ATP10D: variants seen among roughly 807,000 people sequenced by gnomAD.
The protein encoded by ATP10D is phospholipid-transporting ATPase VD.
ATP10D carries 89 observed loss-of-function variants against 144.8 expected under a neutral mutation model. That is an observed-to-expected ratio of 0.61 (90% CI 0.52 to 0.73). The LOEUF (loss-of-function observed/expected upper bound fraction) is 0.73. Among genes scored for constraint, ATP10D ranks in the 30% least tolerant of loss-of-function variants. ATP10D has a pLI of 0.00. For missense variants in ATP10D, 1,603 were observed against 1,714.8 expected, an observed-to-expected ratio of 0.93 and a Z score of 1.15; for synonymous variants, 571 against 615.1, an observed-to-expected ratio of 0.93 and a Z score of 1.06.
intron 16 of ATP10D, among the ~76,000 whole-genome samples, chr4:47,569,432 A>C (rs1330429400): frequency 6.6e-6 from 1 of 152,186 alleles, no homozygotes; most frequent in Non-Finnish European, 1.5e-5. Flanking sequence ...TCAAGTAATA[A>C]ACTGAATCAC....
chr4:47,517,097 T>A (rs1167254789), intron 3 of ATP10D, among the ~76,000 whole-genome samples: 1 of 152,174 alleles, frequency 6.6e-6, no homozygotes, highest in Non-Finnish European at 1.5e-5. Flanking sequence ...TTATATATAT[T>A]TTTGAATACA....
intron 9 of ATP10D, among the ~76,000 whole-genome samples, chr4:47,539,783 CTTTA>C (rs1470047530): frequency 6.6e-6 from 1 of 152,174 alleles, no homozygotes; most frequent in Non-Finnish European, 1.5e-5. Flanking sequence ...AGAAGCACTG[CTTTA>C]TTTTTTTGTA....
intron 9 of ATP10D, among the ~76,000 whole-genome samples, chr4:47,544,611 C>G (rs938956869): frequency 6.6e-6 from 1 of 152,136 alleles, no homozygotes; most frequent in Non-Finnish European, 1.5e-5. Flanking sequence ...ATGTTTCATT[C>G]TGAAAACAAA....
intron 1 of ATP10D, chr4:47,491,093 A>G (rs1187579008): frequency 1.1e-5 from 8 of 730,616 alleles, no homozygotes; most frequent in Non-Finnish European, 1.8e-5. Context: ...AGTTGAACCC[A>G]GGTACTTTTC....
At chr4:47,506,470 G>A (rs1716024685) in intron 1 of ATP10D, among the ~76,000 whole-genome samples, 1 of 152,098 alleles carries the variant, frequency 6.6e-6, no homozygotes, top group South Asian at 2.1e-4. Flanking sequence ...TTTAATTACA[G>A]GTTTTATAAT....
chr4:47,525,306 T>C lies in ATP10D; in HGVS notation c.691-251T>C, dbSNP rs1307931733. ...ATAAGCTCTCTTCTGGGGAGTCCTG[T>C]GTGGATTTCGGTAAATGACTCAGTC... On this transcript the variant is annotated intron_variant, in intron 4 of 22. Coordinates refer to ENST00000273859, the MANE Select transcript of ATP10D (RefSeq NM_020453.4). Among the ~76,000 whole-genome samples the C allele has an allele frequency of 2.6e-5, 4 of 152,296 alleles. No individual in the cohort carries two copies. The East Asian group carries it at 7.7e-4, about 29-fold the overall frequency.
intron 1 of ATP10D, among the ~76,000 whole-genome samples, chr4:47,495,553 T>G (rs1445034481): frequency 6.6e-6 from 1 of 152,198 alleles, no homozygotes; most frequent in Non-Finnish European, 1.5e-5. Flanking sequence ...AAATCTGCTA[T>G]TAATAGACTA....
intron 19 of ATP10D, chr4:47,578,252 G>A (rs1448161812): frequency 6.6e-6 from 1 of 152,108 alleles, no homozygotes; most frequent in Non-Finnish European, 1.5e-5. Context: ...TATGTTTTAT[G>A]CTTGGGTCGT....
At position 47,569,273 on chromosome 4, in the gene ATP10D, A is replaced by G. The variant is rs534133134; in HGVS notation, c.3163+127A>G. 4.7e-6 allele frequency: 5 copies of G among 1,064,672 alleles called. No individual in the cohort carries two copies. The African/African-American group carries it at 6.4e-5, about 14-fold the overall frequency. 66.0% of individuals were successfully genotyped at this position (1,064,672 alleles called of 1,614,324 possible). ...TCCTCCCTTTTTCTCTACCACATTCATGCCTTCCCATCACCTATTTGAGCA... is the reference window on the plus strand; with the variant it reads ...TCCTCCCTTTTTCTCTACCACATTCGTGCCTTCCCATCACCTATTTGAGCA... On this transcript the variant is annotated intron_variant, in intron 16 of 22. Transcript: ENST00000273859.
chr4:47,522,682 G>T (rs918428556), intron 3 of ATP10D, among the ~76,000 whole-genome samples: 1 of 152,230 alleles, frequency 6.6e-6, no homozygotes, highest in Middle Eastern at 3.4e-3. Flanking sequence ...CGATTCTCCC[G>T]TCTCAGCCTC....
intron 13 of ATP10D, among the ~76,000 whole-genome samples, chr4:47,559,362 C>T (rs1719169073): frequency 6.6e-6 from 1 of 152,130 alleles, no homozygotes; most frequent in Non-Finnish European, 1.5e-5. Context: ...GTTGATCTCT[C>T]TGTCTTACAG....
At chr4:47,554,661 A>AT in intron 10 of ATP10D, 65 bp from the exon 11 acceptor site, 1 of 1,303,210 alleles carries the variant, frequency 7.7e-7, no homozygotes, top group Non-Finnish European at 1.0e-6. Context: ...GTTATTTCTC[A>AT]TGTTGATTTA....
chr4:47,494,222 T>A (rs1715232419), intron 1 of ATP10D, among the ~76,000 whole-genome samples: 1 of 152,142 alleles, frequency 6.6e-6, no homozygotes, highest in Non-Finnish European at 1.5e-5. Context: ...AGTAAGACTT[T>A]TTCCCCCCGG....
intron 1 of ATP10D, among the ~76,000 whole-genome samples, chr4:47,503,926 A>G (rs892240887): frequency 2.2e-4 from 34 of 151,154 alleles, no homozygotes; most frequent in African/African-American, 8.2e-4. Flanking sequence ...AAAATAAAAT[A>G]AAATAAAATA....
chr4:47,587,813 G>A (rs938142457), intron 22 of ATP10D, among the ~76,000 whole-genome samples: 8 of 152,048 alleles, frequency 5.3e-5, no homozygotes, highest in Non-Finnish European at 8.8e-5. Flanking sequence ...AAAAACAGCC[G>A]CTAAATTTCA....
chr4:47,515,283 G>C (rs1716572065), intron 2 of ATP10D, among the ~76,000 whole-genome samples, 193 bp from the exon 3 acceptor site: 1 of 152,058 alleles, frequency 6.6e-6, no homozygotes, highest in Non-Finnish European at 1.5e-5. Context: ...ATTTATTAAA[G>C]AATGACACAA....
intron 2 of ATP10D, 42 bp downstream of exon 2, chr4:47,512,872 A>AAG: frequency 6.6e-7 from 1 of 1,517,996 alleles, no homozygotes; most frequent in Non-Finnish European, 9.0e-7. Context: ...ATATCATTCT[A>AAG]GTTGATATAT....
At position 47,535,962 on chromosome 4, in the gene ATP10D, AAAG is replaced by A; in HGVS notation, c.949_951del (p.Arg317del). ...CCACGGTATAAGCGCAGCAAATTAG[AAAG>A]AAGAGCAAACACAGATGTCCTCTGG... On this transcript the variant is annotated inframe_deletion, in exon 7 of 23. Coordinates refer to ENST00000273859, the MANE Select transcript of ATP10D (RefSeq NM_020453.4). 1 of 1,613,204 alleles carries A rather than the reference AAAG, an allele frequency of 6.2e-7. No individual in the cohort carries two copies. The highest frequency in any genetic ancestry group is 8.5e-7 in the Non-Finnish European group (1 of 1,179,346).
chr4:47,501,305 TTA>T (rs1715670396), intron 1 of ATP10D, among the ~76,000 whole-genome samples: 1 of 152,176 alleles, frequency 6.6e-6, no homozygotes, highest in Non-Finnish European at 1.5e-5. Flanking sequence ...ATGTATTGAA[TTA>T]TAGTTCAAAC....
Sources: gnomAD v4.1 joint callset for allele counts (sites outside exome capture counted in the v4.1 genomes callset) on GRCh38, gnomAD v4.1.1 for gene constraint, MANE v1.5 for transcripts, NCBI Gene and HGNC (gene_info 2026-07-23, HGNC 2026-07-21) for gene names.